The following ADAMTS6 variants were observed in gnomAD, a reference collection of about 807,000 sequenced individuals.
ADAMTS6 encodes the protein ADAM metallopeptidase with thrombospondin type 1 motif 6, also known as A disintegrin and metalloproteinase with thrombospondin motifs 6.
A neutral mutation model predicts 144.3 loss-of-function variants in ADAMTS6; 23 were observed. That is an observed-to-expected ratio of 0.16 (90% confidence interval 0.11 to 0.23). The LOEUF is 0.23. Among genes scored for constraint, ADAMTS6 ranks in the 10% least tolerant of loss-of-function variants. ADAMTS6 has a pLI of 1.00. For missense variants in ADAMTS6, 999 were observed against 1,379.6 expected (o/e 0.72, Z 4.37); for synonymous variants, 444 against 457.5 (o/e 0.97, Z 0.38).
At chr5:65,348,946 A>T (rs1408002608) in intron 7 of ADAMTS6, among the ~76,000 whole-genome samples, 1 of 151,310 alleles carries the variant, frequency 6.6e-6, no homozygotes, top group Non-Finnish European at 1.5e-5. Context: ...TGTTACTTGT[A>T]ATATGAAGAC....
chr5:65,437,262 T>C (rs1033769063), intron 7 of ADAMTS6, among the ~76,000 whole-genome samples: 2 of 151,864 alleles, frequency 1.3e-5, no homozygotes, highest in African/African-American at 4.8e-5. Flanking sequence ...GCCCAGATAA[T>C]TTTTTGCATT....
chr5:65,269,313 T>C (rs1378301247), intron 12 of ADAMTS6, among the ~76,000 whole-genome samples: 5 of 152,220 alleles, frequency 3.3e-5, no homozygotes, highest in African/African-American at 4.8e-5. Context: ...ATTTTAGAGA[T>C]TCATTATTTT....
Position 65,451,380 on chromosome 5 carries a change from C to T in ADAMTS6, c.1073+95G>A, listed in dbSNP as rs1482023224. On this transcript the variant is annotated intron_variant, in intron 7 of 24. Coordinates refer to ENST00000381055, the MANE Select transcript of ADAMTS6 (RefSeq NM_197941.4). Reference sequence around the variant, plus strand: ...AAATTACCATTTTGCTTTCTCTATACTCATTATCTGAATGAGGCTTTACAT... The same window carrying T: ...AAATTACCATTTTGCTTTCTCTATATTCATTATCTGAATGAGGCTTTACAT... The T allele has an allele frequency of 5.7e-6, 8 of 1,411,638 alleles. No individual in the cohort carries two copies. In the Middle Eastern group the frequency reaches 5.8e-4, roughly 101 times the overall value. The allele number at this position is 1,411,638 out of a possible 1,614,324, so 87.4% of individuals were successfully genotyped here. A position where few individuals can be genotyped will look rare whatever the true frequency, so the allele number is the denominator to read the frequency against.
At chr5:65,402,699 C>G (rs569288053) in intron 7 of ADAMTS6, among the ~76,000 whole-genome samples, 10 of 152,192 alleles carry the variant, frequency 6.6e-5, no homozygotes, top group East Asian at 1.9e-4. Context: ...GACACCCCCC[C>G]CCATATTTGG....
chr5:65,374,702 T>G (rs1187543410), intron 7 of ADAMTS6, among the ~76,000 whole-genome samples: 4 of 152,192 alleles, frequency 2.6e-5, no homozygotes, highest in African/African-American at 9.7e-5. Flanking sequence ...ATTTACAGAT[T>G]CAATGCCATC....
In ADAMTS6 at chr5:65,411,166, C is replaced by G. The variant is rs888293463; in HGVS notation, c.1073+40309G>C. 9.2e-5 allele frequency among the ~76,000 whole-genome samples: 14 copies of G among 152,016 alleles called. No individual in the cohort carries two copies. The South Asian group carries it at 2.7e-3, about 29-fold the overall frequency. On this transcript the variant is annotated intron_variant, in intron 7 of 24. Transcript: ENST00000381055. ...TTCTTTTTTAAGGGTAAATAGTGTT[C>G]TATTATGTGTATATATCATATTTTT...
At chr5:65,287,322 A>G (rs983564155) in intron 11 of ADAMTS6, among the ~76,000 whole-genome samples, 2 of 152,192 alleles carry the variant, frequency 1.3e-5, no homozygotes, top group African/African-American at 2.4e-5. Flanking sequence ...AGTAACAGAC[A>G]TTACCTGATA....
At chr5:65,274,676 T>TTTTG (rs746385107) in intron 11 of ADAMTS6, among the ~76,000 whole-genome samples, 8 of 149,326 alleles carry the variant, frequency 5.4e-5, no homozygotes, top group East Asian at 2.0e-4. Context: ...CTATTAAGGT[T>TTTTG]TTTGTTTGTT....
chr5:65,310,178 C>T (rs1196010093), intron 9 of ADAMTS6, among the ~76,000 whole-genome samples: 1 of 151,862 alleles, frequency 6.6e-6, no homozygotes, highest in African/African-American at 2.4e-5. Flanking sequence ...CCTTCCTCCA[C>T]GATTTTAAGT....
chr5:65,305,689 T>A (rs1354608855), intron 9 of ADAMTS6, among the ~76,000 whole-genome samples: 1 of 152,146 alleles, frequency 6.6e-6, no homozygotes, highest in African/African-American at 2.4e-5. Flanking sequence ...TCAGATTACC[T>A]TGAGTTAATG....
intron 1 of ADAMTS6, among the ~76,000 whole-genome samples, chr5:65,474,796 CA>C (rs11330695): frequency 0.14 from 11,200 of 78,790 alleles, 441 homozygotes; most frequent in East Asian, 0.18. Context: ...AAACTGTGAC[CA>C]AAAAAAAAAA....
At chr5:65,403,064 C>A (rs866234387) in intron 7 of ADAMTS6, among the ~76,000 whole-genome samples, 1 of 151,978 alleles carries the variant, frequency 6.6e-6, no homozygotes, top group Non-Finnish European at 1.5e-5. Context: ...CCTCCTAATA[C>A]AATAATGAAT....
At position 65,385,698 on chromosome 5, in the gene ADAMTS6, A is replaced by C. The variant is rs1752420016; in HGVS notation, c.1074-51613T>G. Among the ~76,000 whole-genome samples, 3 of 152,214 alleles carry C rather than the reference A, an allele frequency of 2.0e-5. No homozygotes were observed. In the South Asian group the frequency reaches 6.2e-4, roughly 31 times the overall value. The stretch of plus-strand genomic sequence containing the variant: ...AAATTTCTAAAGCATGAGGATAGAA[A>C]GATGCTTGTAATTCCTTTGCTATGG... On this transcript the variant is annotated intron_variant, in intron 7 of 24. Transcript: ENST00000381055.
At chr5:65,224,469 T>C in intron 17 of ADAMTS6, 69 bp from the exon 18 acceptor site, 2 of 1,272,718 alleles carry the variant, frequency 1.6e-6, no homozygotes, top group East Asian at 2.3e-5. Flanking sequence ...AACCATTCAA[T>C]AGTAATAGTT....
chr5:65,311,268 A>G (rs1744471522), intron 9 of ADAMTS6, among the ~76,000 whole-genome samples: 1 of 152,100 alleles, frequency 6.6e-6, no homozygotes, highest in Non-Finnish European at 1.5e-5. Flanking sequence ...ATACTATATA[A>G]TAAGTAATAA....
chr5:65,442,898 C>G (rs1239273315), intron 7 of ADAMTS6, among the ~76,000 whole-genome samples: 1 of 152,138 alleles, frequency 6.6e-6, no homozygotes, highest in Non-Finnish European at 1.5e-5. Context: ...TCTCATTGTT[C>G]AACTCCCACT....
At chr5:65,272,904 A>T (rs539203285) in intron 12 of ADAMTS6, among the ~76,000 whole-genome samples, 1 of 151,954 alleles carries the variant, frequency 6.6e-6, no homozygotes, top group African/African-American at 2.4e-5. Flanking sequence ...CTGAGCAACA[A>T]AATGAGACCA....
chr5:65,231,536 T>C (rs1190393985), intron 15 of ADAMTS6, among the ~76,000 whole-genome samples: 5 of 152,052 alleles, frequency 3.3e-5, no homozygotes, highest in African/African-American at 9.7e-5. Context: ...ATAGAATAAA[T>C]AGACATACAA....
intron 7 of ADAMTS6, among the ~76,000 whole-genome samples, chr5:65,378,204 A>G (rs1168566734): frequency 6.6e-6 from 1 of 152,170 alleles, no homozygotes. Context: ...TGACAAATGG[A>G]CATTTCAAAT....
Sources: gnomAD v4.1 joint callset for allele counts (sites outside exome capture counted in the v4.1 genomes callset) on GRCh38, gnomAD v4.1.1 for gene constraint, MANE v1.5 for transcripts, NCBI Gene and HGNC (gene_info 2026-07-23, HGNC 2026-07-21) for gene names.